ROBO2: variants seen among roughly 807,000 people sequenced by gnomAD.
ROBO2 encodes roundabout guidance receptor 2, also known as roundabout homolog 2.
Under a neutral mutation model 160.8 loss-of-function variants are expected in ROBO2, and 53 were observed. That is an observed-to-expected ratio of 0.33 (90% CI 0.26 to 0.41). The LOEUF (loss-of-function observed/expected upper bound fraction) is 0.41, where lower values mean the gene tolerates loss of function less well. ROBO2 is among the 10% of genes least tolerant of loss of function. ROBO2 has a pLI of 1.00. For missense variants in ROBO2, 1,577 were observed against 1,722.4 expected (o/e 0.92, Z 1.49); for synonymous variants, 664 against 611.7 (o/e 1.09, Z -1.26).
At chr3:76,453,796 G>A (rs959786459) in intron 2 of ROBO2, among the ~76,000 whole-genome samples, 1 of 152,112 alleles carries the variant, frequency 6.6e-6, no homozygotes, top group Non-Finnish European at 1.5e-5. Context: ...TCTGTATTTT[G>A]TGATATATGA....
chr3:77,419,470 C>A (rs184098699), intron 2 of ROBO2, among the ~76,000 whole-genome samples: 6 of 151,868 alleles, frequency 4.0e-5, no homozygotes, highest in Non-Finnish European at 7.4e-5. Flanking sequence ...ACATATATTA[C>A]TATGAAAACT....
Position 77,296,801 on chromosome 3 carries a change from A to C in ROBO2, c.389-180613A>C, listed in dbSNP as rs187870925. 7.6e-4 allele frequency among the ~76,000 whole-genome samples: 115 copies of C among 152,260 alleles called. 1 individual carries two copies. The East Asian group carries it at 0.019, about 26-fold the overall frequency. Reference sequence around the variant, plus strand: ...GACCTGGGAGAGAGGCGTGTGCAACATGAGACTGAATAGCTGGCCAAGAAG... The same window carrying C: ...GACCTGGGAGAGAGGCGTGTGCAACCTGAGACTGAATAGCTGGCCAAGAAG... On this transcript the variant is annotated intron_variant, in intron 2 of 25. Coordinates refer to ENST00000461745, the Ensembl canonical transcript of ROBO2.
chr3:77,206,627 A>G (rs901743969), intron 2 of ROBO2, among the ~76,000 whole-genome samples: 1 of 152,178 alleles, frequency 6.6e-6, no homozygotes, highest in Non-Finnish European at 1.5e-5. Flanking sequence ...TGAGGAACAC[A>G]GTCTCACTCA....
intron 2 of ROBO2, among the ~76,000 whole-genome samples, chr3:77,212,564 T>A (rs959058521): frequency 1.7e-4 from 26 of 152,286 alleles, no homozygotes; most frequent in African/African-American, 6.0e-4. Flanking sequence ...AAATCCCCTT[T>A]ATTTCCTTCT....
At chr3:77,264,380 C>A (rs1239185505) in intron 2 of ROBO2, among the ~76,000 whole-genome samples, 2 of 152,126 alleles carry the variant, frequency 1.3e-5, no homozygotes, top group African/African-American at 4.8e-5. Flanking sequence ...TCTTTGATTT[C>A]ACACCACACT....
chr3:76,349,861 A>G (rs1325859573), intron 2 of ROBO2, among the ~76,000 whole-genome samples: 3 of 152,056 alleles, frequency 2.0e-5, no homozygotes. Context: ...GGATTGCGCT[A>G]CAGAAGAGGA....
At chr3:76,860,869 C>G (rs1341408937) in intron 2 of ROBO2, among the ~76,000 whole-genome samples, 3 of 152,132 alleles carry the variant, frequency 2.0e-5, no homozygotes, top group Non-Finnish European at 4.4e-5. Context: ...CCTTCTTTCA[C>G]TTGTTAAAAA....
intron 2 of ROBO2, among the ~76,000 whole-genome samples, chr3:76,039,384 T>C (rs57849407): frequency 6.6e-6 from 1 of 152,182 alleles, no homozygotes; most frequent in African/African-American, 2.4e-5. Context: ...AATGAATTTA[T>C]ACTGGCACAA....
chr3:77,357,741 A>C (rs2069338595), intron 2 of ROBO2, among the ~76,000 whole-genome samples: 1 of 152,176 alleles, frequency 6.6e-6, no homozygotes, highest in South Asian at 2.1e-4. Flanking sequence ...TTTTCTGTTG[A>C]GAAAGGAAAT....
chr3:75,962,499 A>G (rs954575636), intron 2 of ROBO2, among the ~76,000 whole-genome samples: 1 of 151,818 alleles, frequency 6.6e-6, no homozygotes, highest in Admixed American at 6.6e-5. Context: ...TGCCTCCGAT[A>G]TAACTGGGCT....
chr3:76,166,968 A>T (rs556246131), intron 2 of ROBO2, among the ~76,000 whole-genome samples: 7 of 152,234 alleles, frequency 4.6e-5, no homozygotes, highest in African/African-American at 1.7e-4. Flanking sequence ...TTTTTAAGAC[A>T]GAGTCTCACT....
chr3:77,099,565 G>A (rs1366009235), intron 2 of ROBO2, among the ~76,000 whole-genome samples: 1 of 152,068 alleles, frequency 6.6e-6, no homozygotes, highest in African/African-American at 2.4e-5. Context: ...TTTATAAAAT[G>A]ATACTTCAAA....
intron 2 of ROBO2, among the ~76,000 whole-genome samples, chr3:76,422,980 C>T (rs185788937): frequency 6.6e-6 from 1 of 152,036 alleles, no homozygotes; most frequent in Admixed American, 6.6e-5. Flanking sequence ...GGTAGGATAC[C>T]TAAAGATGTA....
intron 2 of ROBO2, among the ~76,000 whole-genome samples, chr3:76,044,841 A>C (rs2067398218): frequency 1.3e-5 from 2 of 152,022 alleles, no homozygotes; most frequent in South Asian, 4.1e-4. Flanking sequence ...GCTGTCTCTG[A>C]GGAAACTGCA....
chr3:77,068,569 G>T (rs1364451390), intron 1 of ROBO2, among the ~76,000 whole-genome samples: 1 of 151,812 alleles, frequency 6.6e-6, no homozygotes, highest in Non-Finnish European at 1.5e-5. Flanking sequence ...TCACGTAACA[G>T]GCAAGTTCAA....
chr3:77,332,182 T>A (rs904067560), intron 2 of ROBO2, among the ~76,000 whole-genome samples: 1 of 152,216 alleles, frequency 6.6e-6, no homozygotes, highest in African/African-American at 2.4e-5. Context: ...CGTAATGTAT[T>A]TTTATGTCTA....
At chr3:77,519,548 C>T (rs758419680) in intron 5 of ROBO2, among the ~76,000 whole-genome samples, 28 of 151,210 alleles carry the variant, frequency 1.9e-4, no homozygotes, top group Non-Finnish European at 3.1e-4. Flanking sequence ...TCTATTGTTT[C>T]CATCTTTACA....
At chr3:76,809,438 A>C (rs1032510396) in intron 2 of ROBO2, among the ~76,000 whole-genome samples, 2 of 152,120 alleles carry the variant, frequency 1.3e-5, no homozygotes, top group Non-Finnish European at 2.9e-5. Flanking sequence ...TAAGGGAGAA[A>C]AGCCTCTCAC....
intron 2 of ROBO2, among the ~76,000 whole-genome samples, chr3:76,094,595 T>A (rs1231305619): frequency 6.6e-6 from 1 of 152,224 alleles, no homozygotes; most frequent in Non-Finnish European, 1.5e-5. Context: ...GAATGTGCAA[T>A]TATGTTATGA....
Sources: gnomAD v4.1 joint callset for allele counts (sites outside exome capture counted in the v4.1 genomes callset) on GRCh38, gnomAD v4.1.1 for gene constraint, MANE v1.5 for transcripts, NCBI Gene and HGNC (gene_info 2026-07-23, HGNC 2026-07-21) for gene names.